Variants in OSBP2 observed in about 807,000 individuals in gnomAD.
OSBP2 encodes oxysterol binding protein 2, also known as oxysterol-binding protein 2.
OSBP2 carries 66 observed loss-of-function variants against 96.0 expected under a neutral mutation model. The observed-to-expected ratio is 0.69, with a 90% CI of 0.56 to 0.84. The LOEUF is 0.84. Ranked by LOEUF, OSBP2 falls within the 40% of genes least tolerant of loss-of-function variation. The pLI is 0.00. For missense variants in OSBP2, 1,038 were observed against 1,222.7 expected, an observed-to-expected ratio of 0.85 and a Z score of 2.25; for synonymous variants, 525 against 520.9, an observed-to-expected ratio of 1.01 and a Z score of -0.11.
chr22:30,883,688 C>T (rs889681823), intron 3 of OSBP2, among the ~76,000 whole-genome samples: 3 of 152,186 alleles, frequency 2.0e-5, no homozygotes, highest in Non-Finnish European at 4.4e-5. Context: ...GCTAGCTTTG[C>T]TGTCTTGGGA....
At chr22:30,747,203 G>C (rs1011572138) in intron 2 of OSBP2, among the ~76,000 whole-genome samples, 1 of 152,226 alleles carries the variant, frequency 6.6e-6, no homozygotes, top group Non-Finnish European at 1.5e-5. Flanking sequence ...GTGGTTTGTA[G>C]GAACTAGGGG....
rs1433719575 is a variant in OSBP2, at chr22:30,724,787, CA to C, written c.645-16373del. Among the ~76,000 whole-genome samples, 7 of 152,134 alleles carry C rather than the reference CA, an allele frequency of 4.6e-5. 1 individual carries two copies. The highest frequency in any genetic ancestry group is 1.0e-4 in the Non-Finnish European group (7 of 68,034). On this transcript the variant is annotated intron_variant, in intron 1 of 13. Coordinates refer to ENST00000332585, the MANE Select transcript of OSBP2 (RefSeq NM_030758.4). ...CTTGTGCTTTAGCTTGTGAACTGTG[CA>C]TAACAGACAATGATAAAGTAAACCA...
At position 30,881,632 on chromosome 22, in the gene OSBP2, G is replaced by A. The variant is rs184012074; in HGVS notation, c.1108-5794G>A. 14 of 1,294,398 alleles carry A rather than the reference G, an allele frequency of 1.1e-5. No individual in the cohort carries two copies. Among genetic ancestry groups the A allele is most frequent in the African/African-American group, 1.1e-4 (7 of 65,786 alleles). 80.2% of individuals were successfully genotyped at this position (1,294,398 alleles called of 1,614,324 possible). On this transcript the variant is annotated intron_variant, in intron 3 of 13. Transcript: ENST00000332585. This position sits in a 1 kb window ranked among gnomAD's most constrained non-coding sequence, Gnocchi z 4.5. ...CTCCCCCTGCCAGTCCCTCTGCCGG[G>A]CCCCAAGCCTAATCCAGCTTATCAA...
chr22:30,768,895 A>G (rs1215273638), intron 2 of OSBP2, among the ~76,000 whole-genome samples: 1 of 152,154 alleles, frequency 6.6e-6, no homozygotes, highest in Non-Finnish European at 1.5e-5. Context: ...TGAGCACCGG[A>G]CTCTGATGCA....
At chr22:30,754,322 G>A (rs932435381) in intron 2 of OSBP2, among the ~76,000 whole-genome samples, 3 of 152,168 alleles carry the variant, frequency 2.0e-5, no homozygotes, top group East Asian at 3.9e-4. Context: ...TCACTGAAAG[G>A]CAAAATGGTT....
intron 2 of OSBP2, among the ~76,000 whole-genome samples, chr22:30,779,248 ATT>A (rs567486168): frequency 0.036 from 4,255 of 119,610 alleles, 130 homozygotes; most frequent in African/African-American, 0.093. Flanking sequence ...CACCCAGCTA[ATT>A]TTTTTTTTTT....
intron 2 of OSBP2, among the ~76,000 whole-genome samples, chr22:30,799,190 G>C (rs889361794): frequency 6.6e-5 from 10 of 150,724 alleles, no homozygotes; most frequent in Non-Finnish European, 2.9e-5. Flanking sequence ...GCTCACTGCA[G>C]CCTCTGCCTC....
chr22:30,889,492 AC>A lies in OSBP2; in HGVS notation c.1480del (p.Leu494Ter). On this transcript the variant is annotated frameshift_variant, in exon 7 of 14. Transcript: ENST00000332585. LOFTEE classifies it high-confidence loss of function. ...SVDWSSADNV[L>X]DGASLVPKGS... ...GGGGGTCCCCACTTATGTGGCAGGT[AC>A]TAGATGGTGCCTCGCTCGTGCCCAA... is the stretch of plus-strand genomic sequence containing the variant. 1 of 1,614,024 alleles carries A rather than the reference AC, an allele frequency of 6.2e-7. No homozygotes were observed. Among genetic ancestry groups the A allele is most frequent in the Non-Finnish European group, 8.5e-7 (1 of 1,179,986 alleles).
At chr22:30,763,860 T>G (rs1039137208) in intron 2 of OSBP2, among the ~76,000 whole-genome samples, 1 of 152,094 alleles carries the variant, frequency 6.6e-6, no homozygotes, top group African/African-American at 2.4e-5. Context: ...CCACTTGGGG[T>G]CTCTGCTCCC....
intron 2 of OSBP2, among the ~76,000 whole-genome samples, chr22:30,848,249 C>A (rs1383858629): frequency 1.3e-5 from 2 of 152,014 alleles, no homozygotes; most frequent in Admixed American, 6.6e-5. Flanking sequence ...AAAAAGCATC[C>A]TAAAAGCTAT....
intron 1 of OSBP2, among the ~76,000 whole-genome samples, chr22:30,708,043 A>G (rs1033992047): frequency 2.6e-5 from 4 of 151,872 alleles, no homozygotes; most frequent in African/African-American, 9.7e-5. Context: ...ATCTGCCACC[A>G]TGCCTGGCTA....
chr22:30,746,411 G>A (rs2090000077), intron 2 of OSBP2, among the ~76,000 whole-genome samples: 1 of 150,098 alleles, frequency 6.7e-6, no homozygotes, highest in African/African-American at 2.5e-5. Flanking sequence ...GCAGTGGAGT[G>A]AGACCCTGTC....
intron 8 of OSBP2, among the ~76,000 whole-genome samples, chr22:30,892,437 G>A (rs1449080134): frequency 2.6e-5 from 4 of 152,060 alleles, no homozygotes; most frequent in Non-Finnish European, 5.9e-5. Context: ...CTGTCTGAGG[G>A]GAGATGAGAT....
At chr22:30,901,757 C>T (rs997057922) in intron 12 of OSBP2, among the ~76,000 whole-genome samples, 4 of 152,036 alleles carry the variant, frequency 2.6e-5, no homozygotes, top group Non-Finnish European at 5.9e-5. Context: ...CCCAGCTACT[C>T]GGAAAGCTGA....
chr22:30,891,732 G>A (rs1213953695), intron 8 of OSBP2, among the ~76,000 whole-genome samples: 1 of 152,090 alleles, frequency 6.6e-6, no homozygotes, highest in African/African-American at 2.4e-5. Flanking sequence ...ACGGGGGTGG[G>A]GGGCAGTCAG....
At chr22:30,856,409 C>T (rs2039080586) in intron 2 of OSBP2, among the ~76,000 whole-genome samples, 1 of 98,784 alleles carries the variant, frequency 1.0e-5, no homozygotes, top group South Asian at 3.3e-4. Flanking sequence ...TTTTTGGAGA[C>T]AGGGTCTTGC....
At chr22:30,865,458 C>T (rs902425307) in intron 2 of OSBP2, among the ~76,000 whole-genome samples, 2 of 151,996 alleles carry the variant, frequency 1.3e-5, no homozygotes, top group African/African-American at 4.8e-5. Context: ...AACCCCATCC[C>T]ATCTCTACGC....
rs2147112367 is a variant in OSBP2, at chr22:30,871,919, C to A, written c.1107+1237C>A. Among the ~76,000 whole-genome samples the A allele has an allele frequency of 6.6e-6, 1 of 152,388 alleles. No individual in the cohort carries two copies. Among genetic ancestry groups the A allele is most frequent in the Non-Finnish European group, 1.5e-5 (1 of 68,036 alleles). On this transcript the variant is annotated intron_variant, in intron 3 of 13. Coordinates refer to ENST00000332585, the MANE Select transcript of OSBP2 (RefSeq NM_030758.4). The surrounding 1 kb of genome is among the most constrained non-coding windows in gnomAD (Gnocchi z 4.7). ...TGCCCAGATATGCTCAGGCTCAGGCCTGGAGCACCCAAATGCAGCCTTGGG... is the reference window on the plus strand; with the variant it reads ...TGCCCAGATATGCTCAGGCTCAGGCATGGAGCACCCAAATGCAGCCTTGGG...
intron 1 of OSBP2, among the ~76,000 whole-genome samples, chr22:30,730,801 TATA>T (rs1214045792): frequency 3.5e-5 from 2 of 56,506 alleles, no homozygotes; most frequent in African/African-American, 1.9e-4. Flanking sequence ...TATATATATA[TATA>T]TATAATTTTT....
Sources: allele counts gnomAD v4.1 joint callset (sites outside exome capture counted in the v4.1 genomes callset), GRCh38; gene constraint gnomAD v4.1.1; non-coding constraint Gnocchi (gnomAD v3.1); transcripts MANE v1.5; gene names NCBI Gene and HGNC (gene_info 2026-07-23, HGNC 2026-07-21).